The following RSPO2 variants were observed in gnomAD, a reference collection of about 807,000 sequenced individuals.
RSPO2 encodes the protein R-spondin-2.
RSPO2 carries 14 observed loss-of-function variants against 30.9 expected under a neutral mutation model. That is an observed-to-expected ratio of 0.45 (90% CI 0.30 to 0.71). The LOEUF is 0.71. Ranked by LOEUF, RSPO2 falls within the 30% of genes least tolerant of loss-of-function variation. The probability of loss-of-function intolerance (pLI) is 0.08; values close to 1 mark genes in which losing one functional copy is unlikely to be tolerated. For missense variants in RSPO2, 264 were observed against 301.9 expected, an observed-to-expected ratio of 0.87 and a Z score of 0.93; for synonymous variants, 107 against 96.4, an observed-to-expected ratio of 1.11 and a Z score of -0.64.
At chr8:107,961,553 C>T (rs1813627125) in intron 3 of RSPO2, among the ~76,000 whole-genome samples, 1 of 152,122 alleles carries the variant, frequency 6.6e-6, no homozygotes, top group South Asian at 2.1e-4. Flanking sequence ...ATAACTCGCT[C>T]ACTGCAGTCC....
chr8:108,008,104 C>T (rs1212299136), intron 2 of RSPO2, among the ~76,000 whole-genome samples: 1 of 152,124 alleles, frequency 6.6e-6, no homozygotes, highest in Non-Finnish European at 1.5e-5. Context: ...GAGAAATTAG[C>T]TATTCTCTAG....
intron 5 of RSPO2, among the ~76,000 whole-genome samples, chr8:107,917,000 TCTC>T (rs1392678492): frequency 1.3e-5 from 2 of 152,204 alleles, no homozygotes; most frequent in East Asian, 3.9e-4. Context: ...CATTTTGTTT[TCTC>T]TTTTGAAATA....
chr8:108,080,927 CGAAAG>C (rs1260442501), intron 2 of RSPO2, among the ~76,000 whole-genome samples: 1 of 151,964 alleles, frequency 6.6e-6, no homozygotes, highest in Non-Finnish European at 1.5e-5. Flanking sequence ...GCCGAATACT[CGAAAG>C]AAAGTACTGG....
chr8:107,993,354 C>T (rs1318432585), intron 2 of RSPO2, among the ~76,000 whole-genome samples: 34 of 152,116 alleles, frequency 2.2e-4, no homozygotes, highest in Admixed American at 6.5e-5. Context: ...AGACAAATTA[C>T]GGTATATTCA....
intron 5 of RSPO2, among the ~76,000 whole-genome samples, chr8:107,901,521 A>T (rs907337231): frequency 2.6e-5 from 4 of 152,188 alleles, no homozygotes; most frequent in African/African-American, 9.6e-5. Context: ...ACCCTTTTCT[A>T]CACATCTTTA....
rs188198627 is a variant in RSPO2 at position 108,063,079 on chromosome 8, T to A, written c.94+19466A>T. On this transcript the variant is annotated intron_variant, in intron 2 of 5. Coordinates refer to ENST00000276659, the MANE Select transcript of RSPO2 (RefSeq NM_178565.5). ...GACAAACCCACAGCCAATATCATAC[T>A]GAATGGGCAAAAACTGGAAGCATTC... Among the ~76,000 whole-genome samples the A allele has an allele frequency of 2.9e-3, 440 of 151,958 alleles. 11 individuals carry two copies. The highest frequency in any genetic ancestry group is 8.4e-3 in the African/African-American group (348 of 41,236).
chr8:108,060,285 A>G (rs1812409557), intron 2 of RSPO2, among the ~76,000 whole-genome samples: 1 of 151,918 alleles, frequency 6.6e-6, no homozygotes, highest in Non-Finnish European at 1.5e-5. Flanking sequence ...AAAAACCTTG[A>G]AAAAAGATTA....
chr8:107,940,484 T>C (rs1310597854), intron 5 of RSPO2, among the ~76,000 whole-genome samples: 1 of 152,206 alleles, frequency 6.6e-6, no homozygotes, highest in East Asian at 1.9e-4. Flanking sequence ...CCCTAGATTC[T>C]GGTTTAGGAG....
chr8:108,021,913 G>A (rs1586634895), intron 2 of RSPO2, among the ~76,000 whole-genome samples: 1 of 152,144 alleles, frequency 6.6e-6, no homozygotes, highest in African/African-American at 2.4e-5. Context: ...TACACATTCT[G>A]CCCATGTATC....
chr8:107,938,539 G>A (rs181947703), intron 5 of RSPO2, among the ~76,000 whole-genome samples: 24 of 152,192 alleles, frequency 1.6e-4, no homozygotes, highest in African/African-American at 5.8e-4. Flanking sequence ...CAACCAAGTC[G>A]ATTAAAAATT....
intron 2 of RSPO2, among the ~76,000 whole-genome samples, chr8:108,054,280 C>A (rs1414600266): frequency 6.6e-6 from 1 of 152,052 alleles, no homozygotes; most frequent in Non-Finnish European, 1.5e-5. Context: ...CAAGCAGGGT[C>A]CAGTGGAGAT....
At chr8:107,937,710 GTCA>G (rs1440919905) in intron 5 of RSPO2, among the ~76,000 whole-genome samples, 1 of 151,864 alleles carries the variant, frequency 6.6e-6, no homozygotes, top group Admixed American at 6.6e-5. Flanking sequence ...GAGATGCCAG[GTCA>G]TCAAGGAACT....
chr8:108,004,974 T>A (rs946589519), intron 2 of RSPO2, among the ~76,000 whole-genome samples: 1 of 152,218 alleles, frequency 6.6e-6, no homozygotes, highest in African/African-American at 2.4e-5. Context: ...AGCTAATGTA[T>A]CATATTATGT....
intron 5 of RSPO2, among the ~76,000 whole-genome samples, chr8:107,952,718 C>A (rs1434064263): frequency 1.3e-5 from 2 of 152,182 alleles, no homozygotes; most frequent in African/African-American, 2.4e-5. Flanking sequence ...TAATCTATCA[C>A]AATCTACAAC....
chr8:107,986,259 T>C (rs1286209544), intron 3 of RSPO2, among the ~76,000 whole-genome samples: 1 of 152,200 alleles, frequency 6.6e-6, no homozygotes, highest in Non-Finnish European at 1.5e-5. Context: ...TCGTATACTG[T>C]TAAGAAATAA....
intron 2 of RSPO2, among the ~76,000 whole-genome samples, chr8:108,054,977 C>T (rs989806092): frequency 1.3e-5 from 2 of 151,930 alleles, no homozygotes; most frequent in African/African-American, 2.4e-5. Flanking sequence ...AACGATTAGC[C>T]GGGTGTGGTG....
At chr8:107,919,937 T>C (rs1812099536) in intron 5 of RSPO2, among the ~76,000 whole-genome samples, 1 of 152,194 alleles carries the variant, frequency 6.6e-6, no homozygotes, top group South Asian at 2.1e-4. Flanking sequence ...CTGGCTCTGA[T>C]GAAGAACATT....
chr8:108,082,961 G>C (rs571504126), intron 1 of RSPO2, 154 bp from the exon 2 acceptor site: 10 of 305,892 alleles, frequency 3.3e-5, no homozygotes, highest in African/African-American at 1.7e-4. Flanking sequence ...AATCCAGAGC[G>C]GGCAGCTGCG....
intron 5 of RSPO2, among the ~76,000 whole-genome samples, chr8:107,906,697 C>A (rs1292710728): frequency 6.6e-6 from 1 of 151,916 alleles, no homozygotes; most frequent in East Asian, 1.9e-4. Context: ...ATATGATGAG[C>A]AGGACTGGGA....
Sources: allele counts gnomAD v4.1 joint callset (sites outside exome capture counted in the v4.1 genomes callset), GRCh38; gene constraint gnomAD v4.1.1; transcripts MANE v1.5; gene names NCBI Gene and HGNC (gene_info 2026-07-23, HGNC 2026-07-21).